The following EPS8L2 variants were observed in gnomAD, a reference collection of about 807,000 sequenced individuals.
EPS8L2 encodes the protein EPS8 signaling adaptor L2.
Under a neutral mutation model 99.4 loss-of-function variants are expected in EPS8L2, and 81 were observed. That is an observed-to-expected ratio of 0.82 (90% confidence interval 0.68 to 0.98). EPS8L2 has a LOEUF of 0.98. Among genes scored for constraint, EPS8L2 ranks in the 50% least tolerant of loss-of-function variants. EPS8L2 has a pLI of 0.00. For missense variants in EPS8L2, 1,155 were observed against 968.8 expected (o/e 1.19, Z -2.55); for synonymous variants, 509 against 407.3 (o/e 1.25, Z -3.01).
At chr11:709,183 G>GTGGGGCCAACTGGGACA (rs1564968460) in intron 1 of EPS8L2, 147 bp from the exon 2 acceptor site, 2 of 613,324 alleles carry the variant, frequency 3.3e-6, no homozygotes, top group African/African-American at 1.9e-5. Context: ...CAACTGGGAC[G>GTGGGGCCAACTGGGACA]TGGGGCCAAC....
At chr11:721,720 G>A in intron 10 of EPS8L2, 29 bp downstream of exon 10, 1 of 1,284,284 alleles carries the variant, frequency 7.8e-7, no homozygotes, top group Non-Finnish European at 1.1e-6. Context: ...GGGCCGGCAG[G>A]TGCAGGGGAC....
rs7395822 is a variant in EPS8L2, at chr11:710,558, G to A, written c.165+72G>A. ...AGGACATGGCTGTCCTCAGGTTCTCGTCTCCACAAAAAATAAAATAATTAG... is the reference window on the plus strand; with the variant it reads ...AGGACATGGCTGTCCTCAGGTTCTCATCTCCACAAAAAATAAAATAATTAG... On this transcript the variant is annotated intron_variant, in intron 4 of 20. Transcript: ENST00000318562. 0.46 allele frequency: 622,762 copies of A among 1,347,266 alleles called. 148,025 individuals carry two copies. The highest frequency in any genetic ancestry group is 0.73 in the African/African-American group (51,056 of 69,646). 83.5% of individuals were successfully genotyped at this position (1,347,266 alleles called of 1,614,324 possible). A position where few individuals can be genotyped will look rare whatever the true frequency, so the allele number is the denominator to read the frequency against.
At chr11:716,103 G>C (rs1244675002) in intron 4 of EPS8L2, among the ~76,000 whole-genome samples, 1 of 149,948 alleles carries the variant, frequency 6.7e-6, no homozygotes, top group East Asian at 1.9e-4. Flanking sequence ...CTCCCAAGTA[G>C]CTGAGGTTAC....
In EPS8L2 at chr11:724,870, G is replaced by A; in HGVS notation, c.1560+41G>A. On this transcript the variant is annotated intron_variant, in intron 16 of 20. Transcript: ENST00000318562. The surrounding 1 kb of genome is among the most constrained non-coding windows in gnomAD (Gnocchi z 5.5). ...ACGGGGTCCAAGAGGGGGAAACAGG[G>A]CAGGGCTTCAAGGGAGGGGCTACCA... The A allele has an allele frequency of 6.7e-7, 1 of 1,492,304 alleles. No individual in the cohort carries two copies. The highest frequency in any genetic ancestry group is 1.1e-5 in the South Asian group (1 of 88,266). The allele number at this position is 1,492,304 out of a possible 1,614,324, so 92.4% of individuals were successfully genotyped here. A position where few individuals can be genotyped will look rare whatever the true frequency, so the allele number is the denominator to read the frequency against.
chr11:715,418 G>T (rs1483954715), intron 4 of EPS8L2, among the ~76,000 whole-genome samples: 1 of 151,980 alleles, frequency 6.6e-6, no homozygotes, highest in Admixed American at 6.6e-5. Context: ...TCTGGTTTTT[G>T]AGAATTTGTG....
At chr11:711,139 T>C (rs956123767) in intron 4 of EPS8L2, among the ~76,000 whole-genome samples, 4 of 152,178 alleles carry the variant, frequency 2.6e-5, no homozygotes, top group Non-Finnish European at 5.9e-5. Context: ...CGGGGCTGCC[T>C]GCACGCGCCG....
Position 725,732 on chromosome 11 carries a change from T to C in EPS8L2, c.1565T>C (p.Leu522Pro). The change falls in exon 17 of 21, where the codon CTG becomes CCG. Residue 522 changes from leucine to proline, a missense_variant. By Grantham distance (98) the Leu-to-Pro change is moderately conservative. Coordinates refer to ENST00000318562, the MANE Select transcript of EPS8L2 (RefSeq NM_022772.4). ...GGCTGACGGCGCGCCCCGCAGGTGCTGGAGGACGGCCGGCAGTGGTGGAAG... is the reference window on the plus strand; with the variant it reads ...GGCTGACGGCGCGCCCCGCAGGTGCCGGAGGACGGCCGGCAGTGGTGGAAG... ...SVLKDEVLEV[L>P]EDGRQWWKLR... 1 of 1,326,052 alleles carries C rather than the reference T, an allele frequency of 7.5e-7. No homozygotes were observed. The highest frequency in any genetic ancestry group is 9.6e-7 in the Non-Finnish European group (1 of 1,039,790). 82.1% of individuals were successfully genotyped at this position (1,326,052 alleles called of 1,614,324 possible). A position where few individuals can be genotyped will look rare whatever the true frequency, so the allele number is the denominator to read the frequency against.
chr11:706,880 CA>C (rs1861736308), intron 1 of EPS8L2: 1 of 152,724 alleles, frequency 6.5e-6, no homozygotes, highest in Non-Finnish European at 1.5e-5. Flanking sequence ...GAGGCCCTGC[CA>C]GGAGAGGCAG....
Position 727,392 on chromosome 11 carries a change from T to TCGCACACA in EPS8L2, c.*416_*423dup, listed in dbSNP as rs1368172110. On this transcript the variant is annotated 3_prime_UTR_variant, in exon 21 of 21. Transcript: ENST00000318562. The stretch of plus-strand genomic sequence containing the variant: ...AGCTCCAGGCTGGCCAGGCTGAACC[T>TCGCACACA]CGCACACACGCAGAGTTCTGCTCCC... 1 of 162,012 alleles carries TCGCACACA rather than the reference T, an allele frequency of 6.2e-6. No homozygotes were observed. The highest frequency in any genetic ancestry group is 2.4e-5 in the African/African-American group (1 of 41,556). The allele number at this position is 162,012 out of a possible 1,614,324, so 10.0% of individuals were successfully genotyped here.
At chr11:720,943 C>CGGGGAGTGGAGGAGCCGGCA in intron 7 of EPS8L2, 34 bp downstream of exon 7, 1 of 502,470 alleles carries the variant, frequency 2.0e-6, no homozygotes, top group Non-Finnish European at 2.8e-6. Flanking sequence ...TCGCAGGGGG[C>CGGGGAGTGGAGGAGCCGGCA]GGGGAGGGGA....
At chr11:725,438 G>A (rs1862286801) in intron 16 of EPS8L2, among the ~76,000 whole-genome samples, 1 of 152,234 alleles carries the variant, frequency 6.6e-6, no homozygotes, top group African/African-American at 2.4e-5. Context: ...CTGAACCCAG[G>A]AGGTCGAGGC....
At chr11:722,291 A>T (rs1862201794) in intron 12 of EPS8L2, 110 bp from the exon 13 acceptor site, 2 of 1,535,760 alleles carry the variant, frequency 1.3e-6, no homozygotes, top group African/African-American at 1.4e-5. Flanking sequence ...CTGTGTGGCC[A>T]CTCTCCCTGG....
chr11:726,948 T>C lies in EPS8L2; in HGVS notation c.2115T>C (p.His705=), dbSNP rs1043495899. The change falls in exon 21 of 21, where the codon CAT becomes CAC. Residue 705 remains histidine, a synonymous_variant. Coordinates refer to ENST00000318562, the MANE Select transcript of EPS8L2 (RefSeq NM_022772.4). The stretch of plus-strand genomic sequence containing the variant: ...TGGAAGAACTCATGAACAAGTTTCA[T>C]TCCATGAATCAGAGGAGGGGGGAGG... ...SELEELMNKF[H]SMNQRRGEDS The C allele has an allele frequency of 2.5e-6, 4 of 1,613,288 alleles. No homozygotes were observed. The African/African-American group carries it at 5.3e-5, about 22-fold the overall frequency.
At position 726,156 on chromosome 11, in the gene EPS8L2, C is replaced by G. The variant is rs1385528498; in HGVS notation, c.1739C>G (p.Pro580Arg). ...ACCCACAAGCTACCCCCAAGCTTCC[C>G]GGGGAACAAAGACGGTGAGAGCTGC... ...SPTHKLPPSFPGNKDELMQHM... is the reference protein window; with the variant it reads ...SPTHKLPPSFRGNKDELMQHM... Residue 580 changes from proline to arginine, a missense_variant, in exon 18 of 21, where the codon CCG (proline) becomes CGG (arginine). Transcript: ENST00000318562. The G allele has an allele frequency of 6.2e-7, 1 of 1,608,184 alleles. No individual in the cohort carries two copies. The highest frequency in any genetic ancestry group is 1.3e-5 in the African/African-American group (1 of 74,474).
chr11:719,257 G>A (rs12291608), intron 4 of EPS8L2, among the ~76,000 whole-genome samples: 10 of 152,342 alleles, frequency 6.6e-5, no homozygotes, highest in African/African-American at 2.4e-4. Flanking sequence ...GTGAGCCACC[G>A]CGCCCGGCCA....
intron 4 of EPS8L2, 58 bp from the exon 5 acceptor site, chr11:720,004 G>A: frequency 1.3e-6 from 2 of 1,534,934 alleles, no homozygotes; most frequent in East Asian, 2.4e-5. Flanking sequence ...GCCCCTGGGG[G>A]CTGGGCTTTC....
intron 1 of EPS8L2, among the ~76,000 whole-genome samples, chr11:707,499 C>A (rs1035555006): frequency 6.6e-6 from 1 of 152,212 alleles, no homozygotes; most frequent in African/African-American, 2.4e-5. Flanking sequence ...ACTGACCGGG[C>A]ACCCCGCTCT....
chr11:715,618 GTT>G (rs929222502), intron 4 of EPS8L2, among the ~76,000 whole-genome samples: 7,757 of 119,374 alleles, frequency 0.065, 113 homozygotes, highest in African/African-American at 0.11. Flanking sequence ...TTTTTCTTTT[GTT>G]TTTTTTTTTT....
chr11:720,984 AG>A lies in EPS8L2; in HGVS notation c.558-76del, dbSNP rs36028871. 1.3e-3 allele frequency: 1,794 copies of A among 1,341,354 alleles called. 11 individuals are homozygous for A. The highest frequency in any genetic ancestry group is 2.0e-3 in the Middle Eastern group (8 of 4,052). 83.1% of individuals were successfully genotyped at this position (1,341,354 alleles called of 1,614,324 possible). A position where few individuals can be genotyped will look rare whatever the true frequency, so the allele number is the denominator to read the frequency against. On this transcript the variant is annotated intron_variant, in intron 7 of 20. Transcript: ENST00000318562. ...CCGGCAGGGGAGGGGAGGAGCCGGC[AG>A]GGGAGGGGAGGAGCCCGGCAGGGAG... is the stretch of plus-strand genomic sequence containing the variant.
Sources: allele counts gnomAD v4.1 joint callset (sites outside exome capture counted in the v4.1 genomes callset), GRCh38; gene constraint gnomAD v4.1.1; non-coding constraint Gnocchi (gnomAD v3.1); transcripts MANE v1.5; gene names NCBI Gene and HGNC (gene_info 2026-07-23, HGNC 2026-07-21).